Variants in EPX observed in about 807,000 individuals in gnomAD.
The protein encoded by EPX is eosinophil peroxidase.
Under a neutral mutation model 73.0 loss-of-function variants are expected in EPX, and 60 were observed. The observed-to-expected ratio is 0.82, with a 90% confidence interval of 0.67 to 1.02. The LOEUF (loss-of-function observed/expected upper bound fraction) is 1.02, where lower values mean the gene tolerates loss of function less well. EPX is among the 50% of genes least tolerant of loss of function. EPX has a pLI of 0.00. For missense variants in EPX, 950 were observed against 973.9 expected (o/e 0.98, Z 0.33); for synonymous variants, 347 against 389.2 (o/e 0.89, Z 1.28).
chr17:58,193,264 T>A, intron 2 of EPX, 107 bp from the exon 3 acceptor site: 1 of 1,288,042 alleles, frequency 7.8e-7, no homozygotes, highest in Non-Finnish European at 1.1e-6. Context: ...CTCCCTTCCA[T>A]CCATCCTTCT....
chr17:58,199,880 C>T, intron 9 of EPX, 86 bp downstream of exon 9: 1 of 1,421,022 alleles, frequency 7.0e-7, no homozygotes, highest in Non-Finnish European at 9.7e-7. Flanking sequence ...GCCAGGAAGC[C>T]AGGCTGCTGC....
rs1486263296 is a variant in EPX at position 58,193,695 on chromosome 17, C to A, written c.347-19C>A. Reference sequence around the variant, plus strand: ...TACAGAGCAGGCCAGCTCAGGTCTGCCCATTTGCCTTCCCACAGATGTGCT... The same window carrying A: ...TACAGAGCAGGCCAGCTCAGGTCTGACCATTTGCCTTCCCACAGATGTGCT... On this transcript the variant is annotated intron_variant, in intron 3 of 12. Coordinates refer to ENST00000225371, the MANE Select transcript of EPX (RefSeq NM_000502.6). The A allele has an allele frequency of 6.3e-7, 1 of 1,580,550 alleles. No homozygotes were observed. Among genetic ancestry groups the A allele is most frequent in the African/African-American group, 1.3e-5 (1 of 74,404 alleles).
At chr17:58,194,935 G>T in intron 5 of EPX, 29 bp from the exon 6 acceptor site, 1 of 1,581,700 alleles carries the variant, frequency 6.3e-7, no homozygotes, top group Non-Finnish European at 8.7e-7. Flanking sequence ...GGGAGCCCAT[G>T]TCCCGTGCTG....
intron 6 of EPX, among the ~76,000 whole-genome samples, chr17:58,196,367 C>T (rs1968256683): frequency 6.6e-6 from 1 of 152,198 alleles, no homozygotes; most frequent in Non-Finnish European, 1.5e-5. Flanking sequence ...CTCGGCCTCC[C>T]AAAGTGCTAG....
In EPX at chr17:58,195,003, G is replaced by A. The variant is rs1968234245; in HGVS notation, c.634G>A (p.Glu212Lys). The change falls in exon 6 of 13, where the codon GAG (glutamate) becomes AAG (lysine). Residue 212 changes from glutamate to lysine, a missense_variant. Glu to Lys is a moderately conservative substitution (Grantham distance 56). Transcript: ENST00000225371. ...CAACCAGATTGTGCGCTTCCCCAAT[G>A]AGAGACTGACCTCCGACCGTGGCCG... Reference protein sequence around the residue: ...VSNQIVRFPNERLTSDRGRAL... With the variant: ...VSNQIVRFPNKRLTSDRGRAL... The A allele has an allele frequency of 1.2e-6, 2 of 1,614,184 alleles. No homozygotes were observed. The highest frequency in any genetic ancestry group is 1.6e-4 in the Middle Eastern group (1 of 6,062).
intron 5 of EPX, among the ~76,000 whole-genome samples, chr17:58,194,724 A>G (rs1007782972): frequency 1.3e-5 from 2 of 152,140 alleles, no homozygotes; most frequent in Non-Finnish European, 2.9e-5. Flanking sequence ...GAGCCAGTCA[A>G]CCTAGCCCCT....
Position 58,197,077 on chromosome 17 carries a change from G to A in EPX, c.940G>A (p.Val314Met). 1 of 1,614,206 alleles carries A rather than the reference G, an allele frequency of 6.2e-7. No homozygotes were observed. Among genetic ancestry groups the A allele is most frequent in the Non-Finnish European group, 8.5e-7 (1 of 1,180,036 alleles). The change falls in exon 7 of 13, where the codon GTG becomes ATG. Residue 314 changes from valine (V) to methionine (M), a missense_variant. Coordinates refer to ENST00000225371, the MANE Select transcript of EPX (RefSeq NM_000502.6). ...ALTSFVDASM[V>M]YGSEVSLSLR... ...CACCTCCTTTGTGGACGCCAGCATG[G>A]TGTATGGCAGTGAGGTCTCCCTCTC...
In EPX at chr17:58,192,820, C is replaced by T. The variant is rs199821491; in HGVS notation, c.-27C>T. On this transcript the variant is annotated 5_prime_UTR_variant, in exon 1 of 13. Coordinates refer to ENST00000225371, the MANE Select transcript of EPX (RefSeq NM_000502.6). ...TGCAGGCTGTGGATGTCACTCACTT[C>T]CCAGCTGGTGAAGCCTCGCTGCAGA... 3.1e-6 allele frequency: 5 copies of T among 1,606,442 alleles called. No individual in the cohort carries two copies. The highest frequency in any genetic ancestry group is 3.3e-5 in the Admixed American group (2 of 59,738).
chr17:58,203,322 A>G lies in EPX; in HGVS notation c.1946+4A>G. The G allele has an allele frequency of 6.3e-7, 1 of 1,596,246 alleles. No individual in the cohort carries two copies. The highest frequency in any genetic ancestry group is 8.6e-7 in the Non-Finnish European group (1 of 1,163,698). On this transcript the variant is annotated splice_donor_region_variant and intron_variant, in intron 11 of 12. Coordinates refer to ENST00000225371, the MANE Select transcript of EPX (RefSeq NM_000502.6). ...GAAGAGCCCGAGACGGAGACAGGTA[A>G]GTGACCCTATCATAAAAGACATCAG... is the stretch of plus-strand genomic sequence containing the variant.
chr17:58,200,447 A>G, intron 10 of EPX, 52 bp downstream of exon 10: 1 of 1,582,872 alleles, frequency 6.3e-7, no homozygotes, highest in Non-Finnish European at 8.7e-7. Flanking sequence ...CAGGCTGCTC[A>G]AGGGGTTCTG....
rs753299285 is a variant in EPX, at chr17:58,193,068, T to C, written c.107T>C (p.Leu36Pro). 3 of 1,613,350 alleles carry C rather than the reference T, an allele frequency of 1.9e-6. No individual in the cohort carries two copies. The Admixed American group carries it at 5.0e-5, about 27-fold the overall frequency. The change falls in exon 2 of 13, where the codon CTG becomes CCG. Residue 36 changes from leucine (L) to proline (P), a missense_variant. Coordinates refer to ENST00000225371, the MANE Select transcript of EPX (RefSeq NM_000502.6). The stretch of plus-strand genomic sequence containing the variant: ...CCTGGGGCAGTGGAGACCTCGGTCC[T>C]GCGAGACTGCATAGCAGAGGCCAAG... ...ASPGAVETSV[L>P]RDCIAEAKLL... is the part of the protein sequence containing the mutation.
chr17:58,201,224 C>T (rs745510498), intron 10 of EPX, among the ~76,000 whole-genome samples: 22 of 152,212 alleles, frequency 1.4e-4, no homozygotes, highest in South Asian at 6.2e-4. Flanking sequence ...GGTGGCACCT[C>T]CTACTGCCCA....
At chr17:58,204,677 A>G in intron 12 of EPX, 59 bp from the exon 13 acceptor site, 1 of 534,382 alleles carries the variant, frequency 1.9e-6, no homozygotes, top group South Asian at 2.2e-5. Flanking sequence ...ACCTGAAAAC[A>G]GCTCCATTTC....
chr17:58,200,441 C>G (rs752403827), intron 10 of EPX, 46 bp downstream of exon 10: 1 of 1,589,136 alleles, frequency 6.3e-7, no homozygotes, highest in East Asian at 2.2e-5. Context: ...TCGGGCCAGG[C>G]TGCTCAAGGG....
Position 58,203,143 on chromosome 17 carries a change from C to G in EPX, c.1771C>G (p.Arg591Gly). 1 of 1,614,180 alleles carries G rather than the reference C, an allele frequency of 6.2e-7. No homozygotes were observed. Reference sequence around the variant, plus strand: ...GCCCCGGAATTTGGCACAGCTTAGCCGGGTGCTGAAAAACCAGGACTTGGC... The same window carrying G: ...GCCCCGGAATTTGGCACAGCTTAGCGGGGTGCTGAAAAACCAGGACTTGGC... ...SQPRNLAQLS[R>G]VLKNQDLARK... Residue 591 changes from arginine to glycine, a missense_variant, in exon 11 of 13, where the codon CGG (arginine) becomes GGG (glycine). By Grantham distance (125) the Arg-to-Gly change is moderately radical. Transcript: ENST00000225371.
rs1281929663 is a variant in EPX at position 58,204,206 on chromosome 17, C to T, written c.1947-16C>T. 1.2e-6 allele frequency: 2 copies of T among 1,606,476 alleles called. No individual in the cohort carries two copies. The highest frequency in any genetic ancestry group is 1.7e-6 in the Non-Finnish European group (2 of 1,173,088). On this transcript the variant is annotated splice_polypyrimidine_tract_variant and intron_variant, in intron 11 of 12. Coordinates refer to ENST00000225371, the MANE Select transcript of EPX (RefSeq NM_000502.6). ...TCCTCCCCAGCCTTCACCCACATCTCTCGACTGCCTGGTAGGTTCTGGTGG... is the reference window on the plus strand; with the variant it reads ...TCCTCCCCAGCCTTCACCCACATCTTTCGACTGCCTGGTAGGTTCTGGTGG...
In EPX at chr17:58,203,329, C is replaced by T. The variant is rs763227536; in HGVS notation, c.1946+11C>T. The T allele has an allele frequency of 1.9e-6, 3 of 1,583,496 alleles. No individual in the cohort carries two copies. The Admixed American group carries it at 5.0e-5, about 26-fold the overall frequency. The stretch of plus-strand genomic sequence containing the variant: ...CCGAGACGGAGACAGGTAAGTGACC[C>T]TATCATAAAAGACATCAGCACCAGA... On this transcript the variant is annotated intron_variant, in intron 11 of 12. Transcript: ENST00000225371.
At chr17:58,193,637 T>A in intron 3 of EPX, 77 bp from the exon 4 acceptor site, 1 of 1,558,230 alleles carries the variant, frequency 6.4e-7, no homozygotes, top group African/African-American at 1.4e-5. Flanking sequence ...AGGTTTGGGG[T>A]GCTGGGAGGA....
At chr17:58,200,934 T>C (rs1282661643) in intron 10 of EPX, among the ~76,000 whole-genome samples, 1 of 152,236 alleles carries the variant, frequency 6.6e-6, no homozygotes, top group Non-Finnish European at 1.5e-5. Context: ...CTTTCATGTA[T>C]ATTAATTTAT....
Sources: allele counts gnomAD v4.1 joint callset (sites outside exome capture counted in the v4.1 genomes callset), GRCh38; gene constraint gnomAD v4.1.1; transcripts MANE v1.5; gene names NCBI Gene and HGNC (gene_info 2026-07-23, HGNC 2026-07-21).